ZNF385D: variants seen among roughly 807,000 people sequenced by gnomAD.
ZNF385D encodes zinc finger protein 659.
In ZNF385D, 15 loss-of-function variants were observed where a neutral mutation model predicts 35.8. The ratio of observed to expected loss-of-function variants is 0.42; its 90% CI spans 0.28 to 0.64. The LOEUF (loss-of-function observed/expected upper bound fraction) is 0.64, where lower values mean the gene tolerates loss of function less well. Among genes scored for constraint, ZNF385D ranks in the 30% least tolerant of loss-of-function variants. The pLI, the probability that ZNF385D is intolerant of heterozygous loss-of-function variation, is 0.23. For missense variants in ZNF385D, 474 were observed against 494.6 expected, an observed-to-expected ratio of 0.96 and a Z score of 0.39; for synonymous variants, 212 against 186.8, an observed-to-expected ratio of 1.13 and a Z score of -1.10.
intron 1 of ZNF385D, among the ~76,000 whole-genome samples, chr3:21,711,950 G>A (rs1291463035): frequency 6.6e-6 from 1 of 152,196 alleles, no homozygotes; most frequent in Non-Finnish European, 1.5e-5. Flanking sequence ...TTATGTAAAT[G>A]TCACTTTGCT....
chr3:21,828,716 A>T (rs1275298394), intron 3 of ZNF385D, among the ~76,000 whole-genome samples: 2 of 152,176 alleles, frequency 1.3e-5, no homozygotes, highest in South Asian at 4.1e-4. Context: ...AACAATGCAA[A>T]TTTTTTATCT....
At chr3:22,283,229 T>C (rs78065923) in intron 2 of ZNF385D, among the ~76,000 whole-genome samples, 4,493 of 152,190 alleles carry the variant, frequency 0.03, 98 homozygotes, top group Non-Finnish European at 0.049. Flanking sequence ...CAAACGATAG[T>C]AGTGGGGGAC....
chr3:22,169,195 G>T (rs752284432), intron 2 of ZNF385D, among the ~76,000 whole-genome samples: 37 of 152,146 alleles, frequency 2.4e-4, no homozygotes, highest in Non-Finnish European at 4.1e-4. Context: ...TGCTAAAGTA[G>T]ACAATCTCTT....
chr3:22,091,705 G>A (rs1042857104), intron 3 of ZNF385D, among the ~76,000 whole-genome samples: 3 of 152,164 alleles, frequency 2.0e-5, no homozygotes, highest in African/African-American at 4.8e-5. Context: ...AGGAGAAACT[G>A]GGTCCATTTG....
Position 21,534,512 on chromosome 3 carries a change from G to A in ZNF385D, c.277-23489C>T, listed in dbSNP as rs192758919. ...GTGGCAAATCACTTCCAAGCTGACC[G>A]GAAAAGAAGAGAGCTGGAGTAGTGC... On this transcript the variant is annotated intron_variant, in intron 3 of 7. Coordinates refer to ENST00000281523, the MANE Select transcript of ZNF385D (RefSeq NM_024697.3). 1.6e-3 allele frequency among the ~76,000 whole-genome samples: 244 copies of A among 152,110 alleles called. 2 individuals carry two copies. The highest frequency in any genetic ancestry group is 5.4e-3 in the African/African-American group (224 of 41,512).
chr3:21,949,216 T>C (rs370917432), intron 3 of ZNF385D, among the ~76,000 whole-genome samples: 2 of 152,328 alleles, frequency 1.3e-5, no homozygotes, highest in Middle Eastern at 6.8e-3. Context: ...TTTGGCAAAA[T>C]ACTACAAATA....
At chr3:21,740,758 G>C (rs73822035) in intron 1 of ZNF385D, among the ~76,000 whole-genome samples, 30,138 of 152,012 alleles carry the variant, frequency 0.2, 3,032 homozygotes, top group Middle Eastern at 0.32. Flanking sequence ...CTGGGGCAAT[G>C]TGGAACTTCC....
intron 1 of ZNF385D, among the ~76,000 whole-genome samples, chr3:21,733,163 T>C (rs1439114853): frequency 6.6e-6 from 1 of 152,222 alleles, no homozygotes; most frequent in Non-Finnish European, 1.5e-5. Context: ...CATTATATTT[T>C]CTTTGCTCTT....
chr3:21,988,033 C>T lies in ZNF385D; in HGVS notation c.325+180784G>A. ...TTTCAGCTCCATCAGCTCCTTTAAGCACTTCTCTGTAGTGGTTATTCTAGT... is the reference window on the plus strand; with the variant it reads ...TTTCAGCTCCATCAGCTCCTTTAAGTACTTCTCTGTAGTGGTTATTCTAGT... On this transcript the variant is annotated intron_variant, in intron 3 of 5. Coordinates refer to the ZNF385D transcript ENST00000494108. Among the ~76,000 whole-genome samples, 2 of 144,088 alleles carry T rather than the reference C, an allele frequency of 1.4e-5. 1 individual carries two copies. Among genetic ancestry groups the T allele is most frequent in the Non-Finnish European group, 3.1e-5 (2 of 65,046 alleles). The allele number at this position is 144,088 out of a possible 152,430, so 94.5% of individuals were successfully genotyped here. A position where few individuals can be genotyped will look rare whatever the true frequency, so the allele number is the denominator to read the frequency against.
intron 3 of ZNF385D, among the ~76,000 whole-genome samples, chr3:21,908,338 T>C (rs967005608): frequency 5.3e-5 from 8 of 152,022 alleles, no homozygotes; most frequent in African/African-American, 1.9e-4. Flanking sequence ...CTGAATGATA[T>C]TACATGAGGA....
intron 2 of ZNF385D, among the ~76,000 whole-genome samples, chr3:21,587,772 G>T (rs2063854474): frequency 6.6e-6 from 1 of 152,122 alleles, no homozygotes; most frequent in East Asian, 1.9e-4. Flanking sequence ...TCCTGGGAAA[G>T]CACTGATGTT....
intron 2 of ZNF385D, among the ~76,000 whole-genome samples, chr3:21,647,159 A>G (rs1225852925): frequency 6.6e-6 from 1 of 152,196 alleles, no homozygotes; most frequent in Non-Finnish European, 1.5e-5. Flanking sequence ...ATATTTTCTA[A>G]GTACTAGTAT....
chr3:21,538,803 T>G (rs2062102488), intron 3 of ZNF385D, among the ~76,000 whole-genome samples: 1 of 152,174 alleles, frequency 6.6e-6, no homozygotes, highest in South Asian at 2.1e-4. Flanking sequence ...TTATGTAAAC[T>G]AAAGATTTAT....
intron 2 of ZNF385D, among the ~76,000 whole-genome samples, chr3:21,595,904 A>G (rs6776046): frequency 0.15 from 22,775 of 152,254 alleles, 1,734 homozygotes; most frequent in East Asian, 0.26. Context: ...ATCATATGTC[A>G]GGCTCCAATC....
At chr3:21,632,043 T>C (rs2065296561) in intron 2 of ZNF385D, among the ~76,000 whole-genome samples, 1 of 152,158 alleles carries the variant, frequency 6.6e-6, no homozygotes, top group African/African-American at 2.4e-5. Context: ...TTCACCAATA[T>C]TTATTAAATT....
At chr3:21,881,371 T>A (rs1462110534) in intron 3 of ZNF385D, among the ~76,000 whole-genome samples, 1 of 151,980 alleles carries the variant, frequency 6.6e-6, no homozygotes, top group African/African-American at 2.4e-5. Flanking sequence ...TTAAGAATGA[T>A]GCTAAATCTA....
chr3:21,540,806 A>C (rs2062155321), intron 3 of ZNF385D, among the ~76,000 whole-genome samples: 1 of 152,164 alleles, frequency 6.6e-6, no homozygotes, highest in Non-Finnish European at 1.5e-5. Context: ...GTACCACTGA[A>C]AATCACATGT....
chr3:21,758,155 C>T (rs62236200), intron 3 of ZNF385D, among the ~76,000 whole-genome samples: 59 of 152,252 alleles, frequency 3.9e-4, no homozygotes, highest in Non-Finnish European at 7.2e-4. Context: ...TTTGTATAAC[C>T]TTATTACAGT....
intron 3 of ZNF385D, among the ~76,000 whole-genome samples, chr3:22,120,761 T>C (rs1227938001): frequency 1.3e-5 from 2 of 152,192 alleles, no homozygotes; most frequent in Admixed American, 1.3e-4. Flanking sequence ...TATGAGGCAG[T>C]TCTTGAGAAC....
Sources: gnomAD v4.1 joint callset for allele counts (sites outside exome capture counted in the v4.1 genomes callset) on GRCh38, gnomAD v4.1.1 for gene constraint, MANE v1.5 for transcripts, NCBI Gene and HGNC (gene_info 2026-07-23, HGNC 2026-07-21) for gene names.